ACAN: variants seen among roughly 807,000 people sequenced by gnomAD.
The protein encoded by ACAN is aggrecan core protein.
In ACAN, 47 loss-of-function variants were observed where a neutral mutation model predicts 169.1. The observed-to-expected ratio is 0.28, with a 90% CI of 0.22 to 0.35. ACAN has a LOEUF of 0.35. Ranked by LOEUF, ACAN falls within the 10% of genes least tolerant of loss-of-function variation. The probability of loss-of-function intolerance (pLI) is 1.00; values close to 1 mark genes in which losing one functional copy is unlikely to be tolerated. For synonymous variants in ACAN, 1,115 were observed against 1,112.2 expected (o/e 1.00, Z -0.05); for missense variants, 2,716 against 2,759.9 (o/e 0.98, Z 0.36).
intron 1 of ACAN, 91 bp from the exon 2 acceptor site, chr15:88,836,109 A>C (rs1006511405): frequency 1.9e-5 from 17 of 881,364 alleles, no homozygotes; most frequent in Admixed American, 9.9e-5. Flanking sequence ...TTGGGTGTGG[A>C]ATTATCACTT....
At chr15:88,836,413 C>T (rs750516644) in intron 2 of ACAN, 137 bp downstream of exon 2, 2 of 776,748 alleles carry the variant, frequency 2.6e-6, no homozygotes, top group Non-Finnish European at 4.4e-6. Context: ...CCCCACCCTT[C>T]CCCTGTTGAT....
chr15:88,814,553 G>C lies in ACAN; in HGVS notation c.-8+10744G>C, dbSNP rs867113162. Among the ~76,000 whole-genome samples, 2 of 152,168 alleles carry C rather than the reference G, an allele frequency of 1.3e-5. No individual in the cohort carries two copies. Among genetic ancestry groups the C allele is most frequent in the Admixed American group, 6.5e-5 (1 of 15,280 alleles). ...GAAAGCCAGGGCTGGCTCCTGATAG[G>C]CCTGGAAAGTGTGGCAGGTTCTGCT... On this transcript the variant is annotated intron_variant, in intron 1 of 18. Coordinates refer to ENST00000560601, the MANE Select transcript of ACAN (RefSeq NM_001369268.1). This position sits in a 1 kb window ranked among gnomAD's most constrained non-coding sequence, Gnocchi z 4.0.
chr15:88,821,664 G>A (rs935928128), intron 1 of ACAN, among the ~76,000 whole-genome samples: 1 of 152,160 alleles, frequency 6.6e-6, no homozygotes, highest in African/African-American at 2.4e-5. Context: ...CAGAAAGAAG[G>A]CTGTCCCAAG....
At chr15:88,820,788 T>G (rs1031780671) in intron 1 of ACAN, among the ~76,000 whole-genome samples, 5 of 152,142 alleles carry the variant, frequency 3.3e-5, no homozygotes, top group African/African-American at 1.2e-4. Context: ...TGAGATAAGG[T>G]CTTTCTCCAT....
intron 1 of ACAN, among the ~76,000 whole-genome samples, chr15:88,826,378 T>C (rs1343418846): frequency 4.7e-5 from 7 of 147,884 alleles, no homozygotes; most frequent in Non-Finnish European, 7.5e-5. Flanking sequence ...TTTTTTCTTT[T>C]TTTTTTTTTT....
At chr15:88,830,110 G>A (rs1397589660) in intron 1 of ACAN, among the ~76,000 whole-genome samples, 1 of 152,278 alleles carries the variant, frequency 6.6e-6, no homozygotes, top group Non-Finnish European at 1.5e-5. Flanking sequence ...CACTGATGTG[G>A]ACTCACGCTG....
At position 88,838,932 on chromosome 15, in the gene ACAN, A is replaced by G. The variant is rs1222211543; in HGVS notation, c.340A>G (p.Ser114Gly). ...VSLPNYPAIP[S>G]DATLEVQSLR... ...ACTGCCCAACTACCCGGCCATCCCC[A>G]GTGACGCCACCTTGGAAGTCCAGAG... The change falls in exon 3 of 19, where the codon AGT becomes GGT. Residue 114 changes from serine (S) to glycine (G), a missense_variant. Around this residue, in one of 3 missense-constraint regions of ACAN, gnomAD observed 1,283 missense variants for 1,281.5 expected, o/e 1.00. Transcript: ENST00000560601. The surrounding 1 kb of genome is among the most constrained non-coding windows in gnomAD (Gnocchi z 5.1). 18 of 1,613,854 alleles carry G rather than the reference A, an allele frequency of 1.1e-5. No homozygotes were observed. Among genetic ancestry groups the G allele is most frequent in the Non-Finnish European group, 1.4e-5 (17 of 1,179,898 alleles).
In ACAN at chr15:88,859,422, T is replaced by A; in HGVS notation, c.6832+5T>A. The A allele has an allele frequency of 6.4e-7, 1 of 1,552,836 alleles. No individual in the cohort carries two copies. Among genetic ancestry groups the A allele is most frequent in the East Asian group, 2.4e-5 (1 of 40,966 alleles). On this transcript the variant is annotated splice_donor_5th_base_variant and intron_variant, in intron 12 of 18. Coordinates refer to ENST00000560601, the MANE Select transcript of ACAN (RefSeq NM_001369268.1). ...AATCAGAATCAACTGCTGCAGGTAT[T>A]GTGATTTTTTCCCCCTTTAAATGTG...
In ACAN at chr15:88,840,199, C is replaced by G. The variant is rs751518377; in HGVS notation, c.629+13C>G. The G allele has an allele frequency of 3.2e-6, 5 of 1,578,980 alleles. No homozygotes were observed. The highest frequency in any genetic ancestry group is 4.3e-6 in the Non-Finnish European group (5 of 1,164,912). On this transcript the variant is annotated intron_variant, in intron 4 of 18. Coordinates refer to ENST00000560601, the MANE Select transcript of ACAN (RefSeq NM_001369268.1). ...ACCAGACTGTCAGGTGAGCCCTAGC[C>G]CATCAGCTAGTGGGGGCCAGGAGTC... is the stretch of plus-strand genomic sequence containing the variant.
At chr15:88,808,148 C>A (rs1182002777) in intron 1 of ACAN, among the ~76,000 whole-genome samples, 2 of 152,174 alleles carry the variant, frequency 1.3e-5, no homozygotes. Context: ...GAGACAGCCT[C>A]CCTCAGCTCC....
rs2293087 is a variant in ACAN at position 88,841,920 on chromosome 15, T to G, written c.757+53T>G. 0.55 allele frequency: 879,066 copies of G among 1,605,284 alleles called. 245,374 individuals are homozygous for G. The highest frequency in any genetic ancestry group is 0.58 in the Non-Finnish European group (682,458 of 1,174,688). The stretch of plus-strand genomic sequence containing the variant: ...CCCAGCTCCCTTCCCAAGGCCACCT[T>G]CCCCTCCCCATCTCCCCACTGACAC... On this transcript the variant is annotated intron_variant, in intron 5 of 18. Coordinates refer to ENST00000560601, the MANE Select transcript of ACAN (RefSeq NM_001369268.1).
At position 88,843,670 on chromosome 15, in the gene ACAN, G is replaced by GC. The variant is rs759742917; in HGVS notation, c.1051+22_1051+23insC. 6.5e-7 allele frequency: 1 copy of GC among 1,545,688 alleles called. No individual in the cohort carries two copies. Among genetic ancestry groups the GC allele is most frequent in the Non-Finnish European group, 8.8e-7 (1 of 1,139,104 alleles). On this transcript the variant is annotated intron_variant, in intron 6 of 18. Coordinates refer to ENST00000560601, the MANE Select transcript of ACAN (RefSeq NM_001369268.1). The surrounding 1 kb of genome is among the most constrained non-coding windows in gnomAD (Gnocchi z 4.0). ...ACAGGTGGGGCACGGCTGGTGGTGG[G>GC]AAGGGAGTTCATGCCACTAAAATGG... is the stretch of plus-strand genomic sequence containing the variant.
Position 88,849,124 on chromosome 15 carries a change from G to A in ACAN, c.1733-314G>A, listed in dbSNP as rs1014166383. 3.9e-5 allele frequency among the ~76,000 whole-genome samples: 6 copies of A among 152,222 alleles called. No homozygotes were observed. Among genetic ancestry groups the A allele is most frequent in the African/African-American group, 1.4e-4 (6 of 41,460 alleles). ...GAGGGGGTGCCTAAGTGTGAGTGGA[G>A]AATCCAGAAAAGAGGGACGGAGGAG... is the stretch of plus-strand genomic sequence containing the variant. On this transcript the variant is annotated intron_variant, in intron 9 of 18. Transcript: ENST00000560601. The surrounding 1 kb of genome is among the most constrained non-coding windows in gnomAD (Gnocchi z 5.1).
rs904661247 is a variant in ACAN, at chr15:88,872,765, A to T, written c.7303-116A>T. 1.5e-5 allele frequency: 19 copies of T among 1,292,532 alleles called. No homozygotes were observed. The highest frequency in any genetic ancestry group is 1.9e-5 in the Non-Finnish European group (18 of 941,834). The allele number at this position is 1,292,532 out of a possible 1,614,324, so 80.1% of individuals were successfully genotyped here. ...TTGTGCTGCTATCAGATGAGCCTGA[A>T]GTTGGTGCTAAAAGAGAAAGGAGAT... On this transcript the variant is annotated intron_variant, in intron 16 of 18. Transcript: ENST00000560601. This position sits in a 1 kb window ranked among gnomAD's most constrained non-coding sequence, Gnocchi z 5.4.
chr15:88,836,588 G>A (rs974595914), intron 2 of ACAN, among the ~76,000 whole-genome samples: 4 of 152,208 alleles, frequency 2.6e-5, no homozygotes, highest in Non-Finnish European at 5.9e-5. Context: ...GGACTGCTGC[G>A]CACTGAGCTT....
chr15:88,872,819 C>T lies in ACAN; in HGVS notation c.7303-62C>T, dbSNP rs866372760. On this transcript the variant is annotated intron_variant, in intron 16 of 18. Coordinates refer to ENST00000560601, the MANE Select transcript of ACAN (RefSeq NM_001369268.1). This position sits in a 1 kb window ranked among gnomAD's most constrained non-coding sequence, Gnocchi z 5.4. ...GAAGAGGCTCCACGGGGAAGACAGTCGGAGCAGGCCAACCCGCACTGTCCT... is the reference window on the plus strand; with the variant it reads ...GAAGAGGCTCCACGGGGAAGACAGTTGGAGCAGGCCAACCCGCACTGTCCT... The T allele has an allele frequency of 1.5e-5, 23 of 1,561,620 alleles. No individual in the cohort carries two copies. The highest frequency in any genetic ancestry group is 1.4e-5 in the Non-Finnish European group (16 of 1,143,660).
In ACAN at chr15:88,857,943, T is replaced by C. The variant is rs902209343; in HGVS notation, c.5358T>C (p.Ser1786=). 1 of 1,613,636 alleles carries C rather than the reference T, an allele frequency of 6.2e-7. No individual in the cohort carries two copies. The highest frequency in any genetic ancestry group is 8.5e-7 in the Non-Finnish European group (1 of 1,179,846). Residue 1786 remains serine (S), a synonymous_variant, in exon 12 of 19, where the codon AGT becomes AGC. Transcript: ENST00000560601. The part of the protein sequence containing the change: ...TSQPFGITDL[S]GETSGVPDLS... ...AACCCTTTGGCATAACTGATCTGAG[T>C]GGAGAAACATCTGGGGTCCCTGATC...
chr15:88,844,431 T>C (rs1896746582), intron 6 of ACAN, among the ~76,000 whole-genome samples: 1 of 151,978 alleles, frequency 6.6e-6, no homozygotes, highest in African/African-American at 2.4e-5. Context: ...TGGAGTGCAG[T>C]GGTGCTATTT....
In ACAN at chr15:88,855,318, C is replaced by A. The variant is rs1897027338; in HGVS notation, c.2733C>A (p.Gly911=). ...GTCTTACTTCCACAGTGGGCTCAGG[C>A]CTGCCTGTGGAAAGTGGACTACCCT... The part of the protein sequence containing the change: ...SSGLTSTVGS[G]LPVESGLPSG... Residue 911 remains glycine, a synonymous_variant, in exon 12 of 19, where the codon GGC becomes GGA. Coordinates refer to ENST00000560601, the MANE Select transcript of ACAN (RefSeq NM_001369268.1). The A allele has an allele frequency of 1.2e-6, 2 of 1,612,352 alleles. No homozygotes were observed. The highest frequency in any genetic ancestry group is 1.7e-6 in the Non-Finnish European group (2 of 1,178,892).
Sources: gnomAD v4.1 joint callset for allele counts (sites outside exome capture counted in the v4.1 genomes callset) on GRCh38, gnomAD v4.1.1 for gene constraint, gnomAD v4.1.1 regional missense constraint, Gnocchi (gnomAD v3.1) non-coding constraint, MANE v1.5 for transcripts, NCBI Gene and HGNC (gene_info 2026-07-23, HGNC 2026-07-21) for gene names.